NEK5: variants seen among roughly 807,000 people sequenced by gnomAD.
NEK5 encodes the protein serine/threonine-protein kinase Nek5.
Under a neutral mutation model 109.2 loss-of-function variants are expected in NEK5, and 88 were observed. The ratio of observed to expected loss-of-function variants is 0.81; its 90% confidence interval spans 0.68 to 0.96. The LOEUF (loss-of-function observed/expected upper bound fraction) is 0.96, where lower values mean the gene tolerates loss of function less well. Ranked by LOEUF, NEK5 falls within the 40% of genes least tolerant of loss-of-function variation. The pLI, the probability that NEK5 is intolerant of heterozygous loss-of-function variation, is 0.00. For synonymous variants in NEK5, 283 were observed against 299.9 expected, an observed-to-expected ratio of 0.94 and a Z score of 0.58; for missense variants, 834 against 920.7, an observed-to-expected ratio of 0.91 and a Z score of 1.22.
At chr13:52,101,354 C>T (rs774028373) in intron 11 of NEK5, among the ~76,000 whole-genome samples, 9 of 151,890 alleles carry the variant, frequency 5.9e-5, no homozygotes, top group Non-Finnish European at 1.0e-4. Context: ...GAGCAGAGAT[C>T]GCGCCATTGC....
Position 52,127,496 on chromosome 13 carries a change from C to G in NEK5, c.-14G>C. On this transcript the variant is annotated 5_prime_UTR_variant, in exon 3 of 24. Coordinates refer to ENST00000684899, the MANE Select transcript of NEK5 (RefSeq NM_001365552.1). ...GTACTTATCCATGGTCTCCAATGGG[C>G]TGAGTTTCCTGGAATTAGAGTAATG... 1 of 1,371,514 alleles carries G rather than the reference C, an allele frequency of 7.3e-7. No individual in the cohort carries two copies. The highest frequency in any genetic ancestry group is 2.3e-5 in the East Asian group (1 of 43,724). 85.0% of individuals were successfully genotyped at this position (1,371,514 alleles called of 1,614,324 possible). A position where few individuals can be genotyped will look rare whatever the true frequency, so the allele number is the denominator to read the frequency against.
At chr13:52,047,392 A>T (rs1437472488) in intron 23 of NEK5, among the ~76,000 whole-genome samples, 4 of 152,222 alleles carry the variant, frequency 2.6e-5, no homozygotes, top group Admixed American at 2.0e-4. Flanking sequence ...ATTTGTATGG[A>T]ATTCCTCTGG....
At position 52,127,422 on chromosome 13, in the gene NEK5, C is replaced by T; in HGVS notation, c.61G>A (p.Ala21Thr). 4.3e-6 allele frequency: 7 copies of T among 1,613,362 alleles called. No homozygotes were observed. Among genetic ancestry groups the T allele is most frequent in the Non-Finnish European group, 5.9e-6 (7 of 1,179,308 alleles). ...GQGAFGKAYL[A>T]KGKSDSKHCV... is the part of the protein sequence containing the mutation. ...TGCTTGCTATCTGATTTCCCTTTAG[C>T]TAAGTATGCTTTCCCGAAGGCACCT... Residue 21 changes from alanine to threonine, a missense_variant, in exon 3 of 24, where the codon GCT (alanine) becomes ACT (threonine). Physicochemically the swap from Ala to Thr is moderately conservative, Grantham distance 58 (BLOSUM62 0). Coordinates refer to ENST00000684899, the MANE Select transcript of NEK5 (RefSeq NM_001365552.1).
intron 11 of NEK5, 65 bp from the exon 12 acceptor site, chr13:52,099,941 T>TACAA: frequency 1.6e-6 from 2 of 1,225,320 alleles, no homozygotes; most frequent in Non-Finnish European, 2.4e-6. Context: ...TACTGATACT[T>TACAA]GTAAGAGTAT....
intron 7 of NEK5, among the ~76,000 whole-genome samples, chr13:52,108,697 T>A (rs1955700458): frequency 6.6e-6 from 1 of 152,210 alleles, no homozygotes; most frequent in South Asian, 2.1e-4. Flanking sequence ...ATGTAGAGAT[T>A]ATCAAATTGC....
chr13:52,058,462 C>CA (rs1477301031), intron 22 of NEK5, among the ~76,000 whole-genome samples: 1 of 150,692 alleles, frequency 6.6e-6, no homozygotes, highest in Non-Finnish European at 1.5e-5. Context: ...CTTTAAAGTT[C>CA]ATATGGAACC....
At chr13:52,092,623 T>G (rs946397400) in intron 13 of NEK5, among the ~76,000 whole-genome samples, 2 of 152,152 alleles carry the variant, frequency 1.3e-5, no homozygotes, top group African/African-American at 4.8e-5. Flanking sequence ...TGGTGGCTCA[T>G]GCCTGTAATC....
At chr13:52,049,329 TG>T (rs531616711) in intron 23 of NEK5, among the ~76,000 whole-genome samples, 2 of 151,716 alleles carry the variant, frequency 1.3e-5, no homozygotes, top group Non-Finnish European at 1.5e-5. Context: ...GAGGCTGAGG[TG>T]GGAGGATTGC....
At chr13:52,079,331 G>A (rs940159385) in intron 17 of NEK5, among the ~76,000 whole-genome samples, 26 of 85,782 alleles carry the variant, frequency 3.0e-4, no homozygotes, top group Non-Finnish European at 4.9e-4. Context: ...CTCTTTCCAC[G>A]GTCTCCCTCT....
chr13:52,112,128 G>T, intron 5 of NEK5, 140 bp downstream of exon 5: 1 of 455,850 alleles, frequency 2.2e-6, no homozygotes. Flanking sequence ...CAAGAATATT[G>T]ATCCACTATT....
At chr13:52,093,426 G>A (rs888530975) in intron 12 of NEK5, among the ~76,000 whole-genome samples, 191 bp from the exon 13 acceptor site, 1 of 152,120 alleles carries the variant, frequency 6.6e-6, no homozygotes, top group Non-Finnish European at 1.5e-5. Flanking sequence ...CAGGCATGGT[G>A]GCGCACGCCT....
chr13:52,074,732 T>C (rs1027927035), intron 19 of NEK5, among the ~76,000 whole-genome samples: 5 of 152,124 alleles, frequency 3.3e-5, no homozygotes, highest in African/African-American at 1.2e-4. Context: ...AAACTATGCA[T>C]CCAACAAAGG....
intron 11 of NEK5, 72 bp from the exon 12 acceptor site, chr13:52,099,948 G>A: frequency 8.5e-7 from 1 of 1,179,612 alleles, no homozygotes. Context: ...ACTTGTAAGA[G>A]TATAAACATA....
At chr13:52,084,550 T>A (rs930419286) in intron 16 of NEK5, among the ~76,000 whole-genome samples, 1 of 152,036 alleles carries the variant, frequency 6.6e-6, no homozygotes, top group African/African-American at 2.4e-5. Context: ...TTTTACTTTA[T>A]TTTTTTGAGA....
chr13:52,096,402 G>A (rs1955417415), intron 12 of NEK5, among the ~76,000 whole-genome samples: 1 of 152,194 alleles, frequency 6.6e-6, no homozygotes, highest in Non-Finnish European at 1.5e-5. Context: ...CCAAAATGCT[G>A]ATAGTGATAT....
chr13:52,048,103 T>G (rs1954474450), intron 23 of NEK5, among the ~76,000 whole-genome samples: 1 of 152,186 alleles, frequency 6.6e-6, no homozygotes, highest in Admixed American at 6.5e-5. Context: ...AATAGTAATA[T>G]GGTATATAGT....
At chr13:52,063,330 C>T (rs1445559021) in intron 21 of NEK5, among the ~76,000 whole-genome samples, 3 of 152,256 alleles carry the variant, frequency 2.0e-5, no homozygotes, top group African/African-American at 7.2e-5. Flanking sequence ...CAGCCTCGGC[C>T]TCCCGAGGTG....
At chr13:52,116,048 G>T (rs1955851503) in intron 4 of NEK5, among the ~76,000 whole-genome samples, 1 of 151,728 alleles carries the variant, frequency 6.6e-6, no homozygotes, top group African/African-American at 2.4e-5. Context: ...CAGGTGTGGG[G>T]GTACATGCCT....
chr13:52,056,323 C>G (rs1490794242), intron 22 of NEK5, among the ~76,000 whole-genome samples: 1 of 152,148 alleles, frequency 6.6e-6, no homozygotes, highest in African/African-American at 2.4e-5. Flanking sequence ...TACAAAGAGA[C>G]TTAGACTCTC....
Sources: gnomAD v4.1 joint callset for allele counts (sites outside exome capture counted in the v4.1 genomes callset) on GRCh38, gnomAD v4.1.1 for gene constraint, MANE v1.5 for transcripts, NCBI Gene and HGNC (gene_info 2026-07-23, HGNC 2026-07-21) for gene names.